The following PRPS2 variants were observed in gnomAD, a reference collection of about 807,000 sequenced individuals.
PRPS2 encodes the protein ribose-phosphate pyrophosphokinase 2.
For missense variants in PRPS2, 104 were observed against 271.5 expected (o/e 0.38, Z 4.34); for synonymous variants, 111 against 115.3 (o/e 0.96, Z 0.24).
intron 4 of PRPS2, 45 bp downstream of exon 4, chrX:12,810,191 G>A: frequency 8.3e-7 from 1 of 1,198,013 alleles, no homozygotes; most frequent in Non-Finnish European, 1.1e-6. Context: ...TCTGCTGATT[G>A]GTTTTTCCTT....
chrX:12,820,093 C>G (rs762417199), intron 5 of PRPS2, among the ~76,000 whole-genome samples: 3 of 112,490 alleles, frequency 2.7e-5, no homozygotes, highest in Non-Finnish European at 3.8e-5. Context: ...GGCCGTGGAG[C>G]TCTTGGAATA....
At chrX:12,802,474 C>T (rs1031492320) in intron 2 of PRPS2, among the ~76,000 whole-genome samples, 1 of 111,616 alleles carries the variant, frequency 9.0e-6, no homozygotes, top group African/African-American at 3.3e-5. Flanking sequence ...TCTCAAGTAG[C>T]TGGGAAGCAT....
At chrX:12,806,510 A>G (rs1836445787) in intron 2 of PRPS2, among the ~76,000 whole-genome samples, 1 of 112,428 alleles carries the variant, frequency 8.9e-6, no homozygotes, top group African/African-American at 3.2e-5. Flanking sequence ...TTTTCTTTGT[A>G]TAGGCTAGCA....
intron 1 of PRPS2, among the ~76,000 whole-genome samples, chrX:12,798,279 G>GC (rs1222275933): frequency 4.4e-5 from 5 of 112,812 alleles, no homozygotes; most frequent in African/African-American, 1.6e-4. Flanking sequence ...AGCAGCATTT[G>GC]CGCAGTTAAA....
chrX:12,819,878 A>G (rs1414722144), intron 5 of PRPS2, among the ~76,000 whole-genome samples, 198 bp downstream of exon 5: 3 of 112,533 alleles, frequency 2.7e-5, no homozygotes, highest in Non-Finnish European at 5.6e-5. Flanking sequence ...TTCGTTTTCC[A>G]GGGTGAGCTT....
intron 2 of PRPS2, among the ~76,000 whole-genome samples, chrX:12,807,240 G>T (rs2042598230): frequency 9.0e-6 from 1 of 111,722 alleles, no homozygotes; most frequent in African/African-American, 3.3e-5. Flanking sequence ...AGACAGAAGG[G>T]CAAGTTTGCA....
At chrX:12,793,785 G>C (rs1258198867) in intron 1 of PRPS2, among the ~76,000 whole-genome samples, 2 of 112,290 alleles carry the variant, frequency 1.8e-5, no homozygotes, top group Non-Finnish European at 3.8e-5. Flanking sequence ...CTGGTTTGCT[G>C]TCTCCTGGCC....
rs2042682578 is a variant in PRPS2 at position 12,822,829 on chromosome X, C to CT, written c.*34dup. ...ATGGGAAGTGTCCAGCAAGCCTACT[C>CT]TGACTTCTGACTTGTTTTTGTTTTC... On this transcript the variant is annotated 3_prime_UTR_variant, in exon 7 of 7. Coordinates refer to ENST00000380668, the MANE Select transcript of PRPS2 (RefSeq NM_002765.5). 4.5e-6 allele frequency: 5 copies of CT among 1,123,117 alleles called. No homozygotes were observed. The highest frequency in any genetic ancestry group is 6.1e-6 in the Non-Finnish European group (5 of 817,786). The allele number at this position is 1,123,117 out of a possible 1,213,427, so 92.6% of individuals were successfully genotyped here.
chrX:12,801,221 CGTGTGTGTGTGTGT>C (rs72506508), intron 2 of PRPS2, among the ~76,000 whole-genome samples: 4 of 93,388 alleles, frequency 4.3e-5, no homozygotes, highest in African/African-American at 8.0e-5. Flanking sequence ...TGCGTGCGCA[CGTGTGTGTGTGTGT>C]GTGTGTGTGT....
At chrX:12,814,378 C>T (rs2042637961) in intron 4 of PRPS2, among the ~76,000 whole-genome samples, 1 of 111,855 alleles carries the variant, frequency 8.9e-6, no homozygotes, top group Non-Finnish European at 1.9e-5. Context: ...TTTCTCTTTT[C>T]CAAGTGTTTC....
intron 2 of PRPS2, among the ~76,000 whole-genome samples, chrX:12,807,534 A>T (rs938165437): frequency 8.0e-5 from 9 of 112,297 alleles, no homozygotes; most frequent in Non-Finnish European, 1.7e-4. Flanking sequence ...TAATTCTCAC[A>T]ATTAGTGAGG....
chrX:12,807,757 AC>A (rs1379933513), intron 2 of PRPS2, among the ~76,000 whole-genome samples: 2 of 112,070 alleles, frequency 1.8e-5, no homozygotes, highest in Non-Finnish European at 3.8e-5. Flanking sequence ...AAATAAAAAA[AC>A]AAGAAAAATA....
chrX:12,801,250 GTGTA>G (rs946730236), intron 2 of PRPS2, among the ~76,000 whole-genome samples: 3 of 103,089 alleles, frequency 2.9e-5, no homozygotes, highest in Admixed American at 1.0e-4. Flanking sequence ...GTGTGTGTGT[GTGTA>G]TGTGTGTGTG....
intron 4 of PRPS2, among the ~76,000 whole-genome samples, chrX:12,818,432 G>A (rs1311589979): frequency 9.1e-6 from 1 of 109,473 alleles, no homozygotes; most frequent in Non-Finnish European, 1.9e-5. Flanking sequence ...TCAGAAATAG[G>A]GAGGGGAGCC....
intron 2 of PRPS2, among the ~76,000 whole-genome samples, chrX:12,804,518 T>C (rs760958221): frequency 9.0e-6 from 1 of 111,451 alleles, no homozygotes; most frequent in African/African-American, 3.3e-5. Context: ...GTGGCTTGGC[T>C]TTGTACTGAG....
intron 1 of PRPS2, among the ~76,000 whole-genome samples, chrX:12,792,664 C>A (rs773118575): frequency 8.9e-6 from 1 of 112,472 alleles, no homozygotes; most frequent in South Asian, 3.7e-4. Context: ...ATTTTACCAA[C>A]ATTTTCTAGA....
rs753132197 is a variant in PRPS2, at chrX:12,791,488, G to C, written c.-10G>C. 8.3e-7 allele frequency: 1 copy of C among 1,201,047 alleles called. No homozygotes were observed. Among genetic ancestry groups the C allele is most frequent in the Admixed American group, 2.2e-5 (1 of 45,623 alleles). On this transcript the variant is annotated 5_prime_UTR_variant, in exon 1 of 7. Coordinates refer to ENST00000380668, the MANE Select transcript of PRPS2 (RefSeq NM_002765.5). ...GCCGCCGCGCGCCCCTCGGAGTTCC[G>C]CGCCCCACCATGCCCAACATCGTGC...
chrX:12,801,692 T>G (rs761624852), intron 2 of PRPS2, among the ~76,000 whole-genome samples: 1 of 112,829 alleles, frequency 8.9e-6, no homozygotes, highest in African/African-American at 3.2e-5. Flanking sequence ...CACTGCAACC[T>G]CCGCCTCCCA....
chrX:12,811,722 G>A (rs1023953710), intron 4 of PRPS2, among the ~76,000 whole-genome samples: 5 of 112,124 alleles, frequency 4.5e-5, no homozygotes, highest in African/African-American at 1.6e-4. Context: ...CAGCCCAGCT[G>A]AGGACCTAGG....
Sources: allele counts gnomAD v4.1 joint callset (sites outside exome capture counted in the v4.1 genomes callset), GRCh38; gene constraint gnomAD v4.1.1; transcripts MANE v1.5; gene names NCBI Gene and HGNC (gene_info 2026-07-23, HGNC 2026-07-21).